The following BCL2L11 variants were observed in gnomAD, a reference collection of about 807,000 sequenced individuals.
The protein encoded by BCL2L11 is bcl-2-like protein 11.
Under a neutral mutation model 20.6 loss-of-function variants are expected in BCL2L11, and 15 were observed. The ratio of observed to expected loss-of-function variants is 0.73; its 90% CI spans 0.49 to 1.12. BCL2L11 has a LOEUF of 1.12. BCL2L11 is among the 50% of genes most tolerant of loss of function. BCL2L11 has a pLI of 0.00. For missense variants in BCL2L11, 292 were observed against 260.9 expected (o/e 1.12, Z -0.82); for synonymous variants, 108 against 92.8 (o/e 1.16, Z -0.94).
intron 2 of BCL2L11, among the ~76,000 whole-genome samples, chr2:111,124,781 AAGAT>A (rs2072154964): frequency 6.6e-6 from 1 of 152,272 alleles, no homozygotes; most frequent in Non-Finnish European, 1.5e-5. Context: ...AGTGTAAAGA[AAGAT>A]GACAATCATT....
In BCL2L11 at chr2:111,123,720, A is replaced by G. The variant is rs758326397; in HGVS notation, c.-13-13A>G. Reference sequence around the variant, plus strand: ...TTTGCTTAAAATAATCTTAGTTTTTATTTTACTTGCAGAAAAAAAGACCAA... The same window carrying G: ...TTTGCTTAAAATAATCTTAGTTTTTGTTTTACTTGCAGAAAAAAAGACCAA... On this transcript the variant is annotated splice_polypyrimidine_tract_variant and intron_variant, in intron 1 of 3. Transcript: ENST00000393256. 1 of 1,385,784 alleles carries G rather than the reference A, an allele frequency of 7.2e-7. No individual in the cohort carries two copies. 85.8% of individuals were successfully genotyped at this position (1,385,784 alleles called of 1,614,324 possible).
chr2:111,127,117 C>T (rs1299685681), intron 2 of BCL2L11, among the ~76,000 whole-genome samples: 1 of 152,142 alleles, frequency 6.6e-6, no homozygotes, highest in Non-Finnish European at 1.5e-5. Flanking sequence ...AGTCTCCTTA[C>T]ACTCTGGGAG....
At chr2:111,135,219 TG>T (rs1427247461) in intron 2 of BCL2L11, among the ~76,000 whole-genome samples, 2 of 152,240 alleles carry the variant, frequency 1.3e-5, no homozygotes, top group African/African-American at 4.8e-5. Context: ...TAAATTCTAT[TG>T]ATTTTGCCTC....
rs546464688 is a variant in BCL2L11 at position 111,123,182 on chromosome 2, C to T, written c.-13-551C>T. The T allele has an allele frequency of 5.6e-5, 55 of 985,486 alleles. No individual in the cohort carries two copies. In the South Asian group the frequency reaches 2.2e-3, roughly 40 times the overall value. 61.0% of individuals were successfully genotyped at this position (985,486 alleles called of 1,614,324 possible). On this transcript the variant is annotated intron_variant, in intron 1 of 3. Transcript: ENST00000393256. ...GGGCGGAGAGAGCGCCAGAGCCGGG[C>T]CGAGCCGCGCTGGAGTTACAAACTC...
At position 111,120,967 on chromosome 2, in the gene BCL2L11, C is replaced by G. The variant is rs2070747610; in HGVS notation, c.-235C>G. 2.6e-6 allele frequency: 1 copy of G among 378,440 alleles called. No individual in the cohort carries two copies. Among genetic ancestry groups the G allele is most frequent in the East Asian group, 5.4e-5 (1 of 18,598 alleles). The allele number at this position is 378,440 out of a possible 1,614,324, so 23.4% of individuals were successfully genotyped here. A position where few individuals can be genotyped will look rare whatever the true frequency, so the allele number is the denominator to read the frequency against. On this transcript the variant is annotated 5_prime_UTR_variant, in exon 1 of 4. Coordinates refer to ENST00000393256, the MANE Select transcript of BCL2L11 (RefSeq NM_138621.5). ...CAGTTTGTTGGAGCTCTGCGTCCAG[C>G]GCCGCTGCCGCTGCCGCCGCCGCCG...
Position 111,124,132 on chromosome 2 carries a change from T to A in BCL2L11, c.387T>A (p.Ser129Arg). 1 of 1,608,390 alleles carries A rather than the reference T, an allele frequency of 6.2e-7. No homozygotes were observed. Among genetic ancestry groups the A allele is most frequent in the Non-Finnish European group, 8.5e-7 (1 of 1,177,270 alleles). Residue 129 changes from serine (S) to arginine (R), a missense_variant, in exon 2 of 4, where the codon AGT becomes AGA. Physicochemically the swap from Ser to Arg is moderately radical, Grantham distance 110 (BLOSUM62 -1). Transcript: ENST00000393256. ...GCCAGGCCTTCAACCACTATCTCAG[T>A]GCAATGGGTAAGCAATGCCTGGGTA... is the stretch of plus-strand genomic sequence containing the variant. Reference protein sequence around the residue: ...PPCQAFNHYLSAMASMRQAEP... With the variant: ...PPCQAFNHYLRAMASMRQAEP...
chr2:111,144,484 A>C, intron 2 of BCL2L11: 1 of 1,550,612 alleles, frequency 6.4e-7, no homozygotes, highest in Non-Finnish European at 8.7e-7. Context: ...CCTTTGCCTT[A>C]TAGCTAACTG....
chr2:111,151,279 C>T (rs760291219), intron 3 of BCL2L11, among the ~76,000 whole-genome samples: 5 of 152,164 alleles, frequency 3.3e-5, no homozygotes, highest in Admixed American at 6.5e-5. Flanking sequence ...ACTGCTTCCG[C>T]TAAAGGGTAC....
At position 111,167,321 on chromosome 2, in the gene BCL2L11, G is replaced by A. The variant is rs1283128164; in HGVS notation, c.*3090G>A. 6.6e-6 allele frequency: 1 copy of A among 152,176 alleles called. No individual in the cohort carries two copies. Among genetic ancestry groups the A allele is most frequent in the African/African-American group, 2.4e-5 (1 of 41,398 alleles). The allele number at this position is 152,176 out of a possible 1,614,324, so 9.4% of individuals were successfully genotyped here. On this transcript the variant is annotated 3_prime_UTR_variant, in exon 4 of 4. Coordinates refer to ENST00000393256, the MANE Select transcript of BCL2L11 (RefSeq NM_138621.5). The stretch of plus-strand genomic sequence containing the variant: ...GGCTTTGCCGCCCTTATGATGAAGT[G>A]TGTGTTTGATGCCAGTGAGAAACTC...
At chr2:111,153,974 C>A (rs565349169) in intron 3 of BCL2L11, 4 of 1,409,792 alleles carry the variant, frequency 2.8e-6, no homozygotes, top group Non-Finnish European at 9.3e-7. Context: ...GTGAACCTGC[C>A]GGGCTGAACG....
chr2:111,123,667 C>G, intron 1 of BCL2L11, 66 bp from the exon 2 acceptor site: 1 of 1,338,288 alleles, frequency 7.5e-7, no homozygotes, highest in Non-Finnish European at 9.7e-7. Context: ...TAGGTGAGAG[C>G]TAATTTGTTT....
chr2:111,132,719 A>G (rs1574973603), intron 2 of BCL2L11, among the ~76,000 whole-genome samples: 1 of 152,312 alleles, frequency 6.6e-6, no homozygotes, highest in African/African-American at 2.4e-5. Flanking sequence ...TGTAATACCT[A>G]CAGATCGGGT....
intron 3 of BCL2L11, among the ~76,000 whole-genome samples, chr2:111,153,413 G>A (rs2150527721): frequency 6.6e-6 from 1 of 152,138 alleles, no homozygotes; most frequent in Non-Finnish European, 1.5e-5. Context: ...ATGATGCTGT[G>A]GATAGTGACA....
At chr2:111,123,025 T>C in intron 1 of BCL2L11, 3 of 982,744 alleles carry the variant, frequency 3.1e-6, no homozygotes, top group African/African-American at 1.7e-5. Context: ...TTGTAGACCT[T>C]GCAGGCGTTC....
intron 2 of BCL2L11, chr2:111,128,588 A>G (rs910614669): frequency 6.7e-7 from 1 of 1,491,178 alleles, no homozygotes; most frequent in African/African-American, 1.5e-5. Flanking sequence ...CAGTTTCTCC[A>G]CATACTTACC....
At chr2:111,155,116 C>T (rs909794625) in intron 3 of BCL2L11, among the ~76,000 whole-genome samples, 1 of 152,114 alleles carries the variant, frequency 6.6e-6, no homozygotes, top group African/African-American at 2.4e-5. Flanking sequence ...AGTAGGGAGG[C>T]TATTGGTAAA....
intron 2 of BCL2L11, among the ~76,000 whole-genome samples, chr2:111,143,545 C>A (rs527602243): frequency 1.3e-5 from 2 of 152,152 alleles, no homozygotes; most frequent in Non-Finnish European, 2.9e-5. Flanking sequence ...CAATTCCCTA[C>A]GAGGAATAGC....
intron 1 of BCL2L11, among the ~76,000 whole-genome samples, chr2:111,121,992 C>G (rs907403048): frequency 6.6e-6 from 1 of 152,218 alleles, no homozygotes; most frequent in Admixed American, 6.5e-5. Flanking sequence ...GCCGTGCCCT[C>G]TGGGACCTGT....
intron 1 of BCL2L11, 73 bp from the exon 2 acceptor site, chr2:111,123,660 G>A: frequency 7.6e-7 from 1 of 1,312,004 alleles, no homozygotes; most frequent in African/African-American, 1.5e-5. Context: ...TAATCGCTAG[G>A]TGAGAGCTAA....
Sources: gnomAD v4.1 joint callset for allele counts (sites outside exome capture counted in the v4.1 genomes callset) on GRCh38, gnomAD v4.1.1 for gene constraint, MANE v1.5 for transcripts, NCBI Gene and HGNC (gene_info 2026-07-23, HGNC 2026-07-21) for gene names.